The following CDS1 variants were observed in gnomAD, a reference collection of about 807,000 sequenced individuals.
CDS1 encodes CDP-diacylglycerol synthase 1.
A neutral mutation model predicts 62.1 loss-of-function variants in CDS1; 41 were observed. The ratio of observed to expected loss-of-function variants is 0.66; its 90% CI spans 0.51 to 0.86. The LOEUF is 0.86. Ranked by LOEUF, CDS1 falls within the 40% of genes least tolerant of loss-of-function variation. The pLI is 0.00. For missense variants in CDS1, 470 were observed against 550.1 expected (o/e 0.85, Z 1.46); for synonymous variants, 185 against 192.6 (o/e 0.96, Z 0.32).
rs1724178227 is a variant in CDS1, at chr4:84,635,673, T to C, written c.810+322T>C. On this transcript the variant is annotated intron_variant, in intron 8 of 12. Transcript: ENST00000295887. ...TTCCTTCCTTCCTTCCTTCCTTCCT[T>C]CCTTCCTTCCTTCCTTCCCTCCTTC... 2.3e-5 allele frequency among the ~76,000 whole-genome samples: 3 copies of C among 128,596 alleles called. 1 individual carries two copies. Among genetic ancestry groups the C allele is most frequent in the South Asian group, 5.6e-4 (2 of 3,584 alleles). The allele number at this position is 128,596 out of a possible 152,430, so 84.4% of individuals were successfully genotyped here. A position where few individuals can be genotyped will look rare whatever the true frequency, so the allele number is the denominator to read the frequency against.
At chr4:84,630,965 A>G (rs1459190355) in intron 5 of CDS1, among the ~76,000 whole-genome samples, 1 of 152,176 alleles carries the variant, frequency 6.6e-6, no homozygotes, top group African/African-American at 2.4e-5. Context: ...ATTGCCTCCC[A>G]TTATTTTAGT....
At chr4:84,595,347 G>GGTTT (rs1204179636) in intron 1 of CDS1, among the ~76,000 whole-genome samples, 1 of 151,906 alleles carries the variant, frequency 6.6e-6, no homozygotes, top group Non-Finnish European at 1.5e-5. Flanking sequence ...GCCAAGAAGG[G>GGTTT]GTTTGTTCAG....
Position 84,638,928 on chromosome 4 carries a change from C to G in CDS1, c.815C>G (p.Ser272Cys). 1 of 1,526,860 alleles carries G rather than the reference C, an allele frequency of 6.5e-7. No homozygotes were observed. The highest frequency in any genetic ancestry group is 8.8e-7 in the Non-Finnish European group (1 of 1,135,566). The allele number at this position is 1,526,860 out of a possible 1,614,324, so 94.6% of individuals were successfully genotyped here. The change falls in exon 9 of 13, where the codon TCT (serine) becomes TGT (cysteine). Residue 272 changes from serine to cysteine, a missense_variant. Ser to Cys is a moderately radical substitution (Grantham distance 112). Coordinates refer to ENST00000295887, the MANE Select transcript of CDS1 (RefSeq NM_001263.4). Reference sequence around the variant, plus strand: ...ATTTTATTTGCCCTTTTTTAGTTGTCTCCTAAAAAGACTTGGGAAGGATTC... The same window carrying G: ...ATTTTATTTGCCCTTTTTTAGTTGTGTCCTAAAAAGACTTGGGAAGGATTC... ...FFGRTPLIKLSPKKTWEGFIG... is the reference protein window; with the variant it reads ...FFGRTPLIKLCPKKTWEGFIG...
intron 1 of CDS1, among the ~76,000 whole-genome samples, chr4:84,599,403 C>CATATAT (rs1478443460): frequency 0.017 from 283 of 16,788 alleles, 3 homozygotes; most frequent in Middle Eastern, 0.038. Context: ...GACACACACA[C>CATATAT]ACATATATAT....
chr4:84,608,475 A>C (rs1011001572), intron 2 of CDS1, among the ~76,000 whole-genome samples: 7 of 151,916 alleles, frequency 4.6e-5, no homozygotes, highest in African/African-American at 1.7e-4. Flanking sequence ...CGCCCGGCCA[A>C]GGAAATACTT....
At chr4:84,599,518 T>C (rs1722870880) in intron 1 of CDS1, among the ~76,000 whole-genome samples, 1 of 149,290 alleles carries the variant, frequency 6.7e-6, no homozygotes, top group Admixed American at 6.7e-5. Flanking sequence ...TTTGCCCCTT[T>C]TTGTAGTTCT....
chr4:84,632,845 A>G (rs1218986833), intron 6 of CDS1, among the ~76,000 whole-genome samples: 1 of 152,242 alleles, frequency 6.6e-6, no homozygotes, highest in Non-Finnish European at 1.5e-5. Context: ...TCAAAAGGCC[A>G]AGCGCCGATG....
intron 11 of CDS1, among the ~76,000 whole-genome samples, chr4:84,643,977 AAAACT>A (rs374684879): frequency 1.2e-3 from 186 of 152,322 alleles, no homozygotes; most frequent in African/African-American, 4.4e-3. Flanking sequence ...TCCTCCAGAG[AAAACT>A]AAGAAGAGAG....
At chr4:84,604,147 C>A in intron 1 of CDS1, 96 bp from the exon 2 acceptor site, 1 of 995,718 alleles carries the variant, frequency 1.0e-6, no homozygotes, top group Non-Finnish European at 1.5e-6. Context: ...GATTATGTCA[C>A]TGAGATTTGA....
At chr4:84,595,867 A>T (rs1037322088) in intron 1 of CDS1, among the ~76,000 whole-genome samples, 3 of 152,220 alleles carry the variant, frequency 2.0e-5, no homozygotes, top group African/African-American at 7.2e-5. Context: ...ACTTACATAA[A>T]TGAAACCATA....
intron 5 of CDS1, among the ~76,000 whole-genome samples, chr4:84,624,615 A>G (rs1200531088): frequency 2.0e-5 from 3 of 152,212 alleles, no homozygotes; most frequent in African/African-American, 7.2e-5. Flanking sequence ...CTATATTGAT[A>G]TACAGCAATA....
chr4:84,611,375 T>G (rs1164447125), intron 3 of CDS1, among the ~76,000 whole-genome samples: 2 of 152,182 alleles, frequency 1.3e-5, no homozygotes, highest in Non-Finnish European at 2.9e-5. Flanking sequence ...TCTTATGTAC[T>G]CATCTCCTTC....
intron 10 of CDS1, among the ~76,000 whole-genome samples, chr4:84,642,343 A>T (rs1325439779): frequency 6.6e-6 from 1 of 151,998 alleles, no homozygotes; most frequent in African/African-American, 2.4e-5. Flanking sequence ...AAAAAAAAAA[A>T]ATTGGTGCCT....
chr4:84,638,787 T>G (rs1724292419), intron 8 of CDS1, 137 bp from the exon 9 acceptor site: 1 of 267,588 alleles, frequency 3.7e-6, no homozygotes, highest in Non-Finnish European at 6.9e-6. Flanking sequence ...AAAAAGGGTT[T>G]TGAACTATTC....
At chr4:84,601,073 T>A (rs1295537737) in intron 1 of CDS1, among the ~76,000 whole-genome samples, 6 of 148,292 alleles carry the variant, frequency 4.0e-5, no homozygotes, top group African/African-American at 1.0e-4. Context: ...CTCAGGAGGC[T>A]GAGGTGGGAG....
At chr4:84,593,928 G>A (rs995552863) in intron 1 of CDS1, among the ~76,000 whole-genome samples, 5 of 152,166 alleles carry the variant, frequency 3.3e-5, no homozygotes, top group Non-Finnish European at 7.3e-5. Flanking sequence ...GGAAGATAAG[G>A]GGTGAGGCAG....
intron 5 of CDS1, among the ~76,000 whole-genome samples, chr4:84,622,030 T>G (rs1392127621): frequency 6.6e-6 from 1 of 152,236 alleles, no homozygotes; most frequent in East Asian, 1.9e-4. Context: ...TTTCTTGGTA[T>G]TCTTTGTAGA....
intron 3 of CDS1, among the ~76,000 whole-genome samples, chr4:84,610,420 G>A (rs1230222152): frequency 6.6e-6 from 1 of 152,188 alleles, no homozygotes; most frequent in Non-Finnish European, 1.5e-5. Context: ...CATTCTGGGA[G>A]TTTTGGATTT....
Position 84,648,834 on chromosome 4 carries a change from TAACA to T in CDS1, c.*153_*156del. 1 of 706,460 alleles carries T rather than the reference TAACA, an allele frequency of 1.4e-6. No homozygotes were observed. Among genetic ancestry groups the T allele is most frequent in the South Asian group, 2.6e-5 (1 of 38,130 alleles). 43.8% of individuals were successfully genotyped at this position (706,460 alleles called of 1,614,324 possible). On this transcript the variant is annotated 3_prime_UTR_variant, in exon 13 of 13. Transcript: ENST00000295887. ...TCTCTCTGAAATTACTGTGAATATT[TAACA>T]AACACTTACTTGATCTATGTTATGA...
Sources: gnomAD v4.1 joint callset for allele counts (sites outside exome capture counted in the v4.1 genomes callset) on GRCh38, gnomAD v4.1.1 for gene constraint, MANE v1.5 for transcripts, NCBI Gene and HGNC (gene_info 2026-07-23, HGNC 2026-07-21) for gene names.